The following A1CF variants were observed in gnomAD, a reference collection of about 807,000 sequenced individuals.
A1CF encodes APOBEC1 complementation factor, also known as APOBEC-1 stimulating protein.
In A1CF, 48 loss-of-function variants were observed where a neutral mutation model predicts 68.9. The observed-to-expected ratio is 0.70, with a 90% confidence interval of 0.55 to 0.89. The LOEUF is 0.89. Among genes scored for constraint, A1CF ranks in the 40% least tolerant of loss-of-function variants. The pLI, the probability that A1CF is intolerant of heterozygous loss-of-function variation, is 0.00. For missense variants in A1CF, 653 were observed against 718.9 expected (o/e 0.91, Z 1.05); for synonymous variants, 272 against 260.4 (o/e 1.04, Z -0.43).
intron 6 of A1CF, among the ~76,000 whole-genome samples, chr10:50,833,607 T>C (rs866277309): frequency 6.6e-6 from 1 of 152,230 alleles, no homozygotes; most frequent in Non-Finnish European, 1.5e-5. Context: ...GAAAAGTTTC[T>C]TGTTGTCTTC....
chr10:50,856,972 C>T (rs1296330661), intron 3 of A1CF, among the ~76,000 whole-genome samples: 1 of 151,912 alleles, frequency 6.6e-6, no homozygotes, highest in Non-Finnish European at 1.5e-5. Flanking sequence ...AACATTTGAC[C>T]TTACAATGGA....
chr10:50,850,917 T>C, intron 3 of A1CF: 7 of 1,289,248 alleles, frequency 5.4e-6, no homozygotes, highest in Admixed American at 2.7e-5. Flanking sequence ...CTTTTTTGTT[T>C]ACTTACAATT....
At chr10:50,871,993 A>G (rs1049156104) in intron 1 of A1CF, among the ~76,000 whole-genome samples, 1 of 152,102 alleles carries the variant, frequency 6.6e-6, no homozygotes, top group Non-Finnish European at 1.5e-5. Flanking sequence ...GAAGAGAATA[A>G]TTGTTATTTA....
At chr10:50,848,654 G>T (rs1840103354) in intron 3 of A1CF, among the ~76,000 whole-genome samples, 1 of 152,020 alleles carries the variant, frequency 6.6e-6, no homozygotes, top group Non-Finnish European at 1.5e-5. Flanking sequence ...TCGTCTTTGT[G>T]GTTCTCTTTG....
chr10:50,854,269 T>A (rs1025853957), intron 3 of A1CF, among the ~76,000 whole-genome samples: 10 of 152,180 alleles, frequency 6.6e-5, no homozygotes, highest in African/African-American at 1.4e-4. Flanking sequence ...AATAATTTTT[T>A]AAAATATTCT....
intron 1 of A1CF, among the ~76,000 whole-genome samples, chr10:50,870,445 T>G (rs1195322891): frequency 6.6e-6 from 1 of 151,772 alleles, no homozygotes; most frequent in African/African-American, 2.4e-5. Flanking sequence ...GAAAATAAAT[T>G]TTCAAAACAA....
intron 9 of A1CF, among the ~76,000 whole-genome samples, chr10:50,815,521 T>A (rs189913992): frequency 3.9e-5 from 6 of 152,292 alleles, no homozygotes; most frequent in Admixed American, 3.3e-4. Context: ...GTCTGTTAGA[T>A]TATATTTATA....
In A1CF at chr10:50,833,451, C is replaced by T. The variant is rs148414060; in HGVS notation, c.604+2623G>A. Among the ~76,000 whole-genome samples, 5 of 152,246 alleles carry T rather than the reference C, an allele frequency of 3.3e-5. No homozygotes were observed. The East Asian group carries it at 9.7e-4, about 29-fold the overall frequency. ...CTAGTTTCTGAGTGGGATGCAGCAA[C>T]TTTGTTCTGTAAAGAGCTCAATAAA... On this transcript the variant is annotated intron_variant, in intron 6 of 12. Transcript: ENST00000373997.
intron 1 of A1CF, among the ~76,000 whole-genome samples, chr10:50,867,321 G>C (rs541633574): frequency 6.6e-6 from 1 of 151,860 alleles, no homozygotes; most frequent in East Asian, 1.9e-4. Flanking sequence ...TATTATATAT[G>C]TATAGTAGAA....
chr10:50,842,646 T>C (rs1839834104), intron 4 of A1CF, among the ~76,000 whole-genome samples: 1 of 152,204 alleles, frequency 6.6e-6, no homozygotes, highest in Admixed American at 6.5e-5. Context: ...TATGTCCATT[T>C]CCTCTAAATT....
At chr10:50,810,739 C>G (rs111821948) in intron 11 of A1CF, among the ~76,000 whole-genome samples, 3 of 152,100 alleles carry the variant, frequency 2.0e-5, no homozygotes, top group African/African-American at 7.2e-5. Flanking sequence ...CTCAAACTCC[C>G]GACCTCAAGT....
At chr10:50,823,390 A>C (rs1838766861) in intron 7 of A1CF, 1 of 152,186 alleles carries the variant, frequency 6.6e-6, no homozygotes, top group Non-Finnish European at 1.5e-5. Flanking sequence ...CCATTAGCAA[A>C]GAAGAAAAAG....
intron 6 of A1CF, among the ~76,000 whole-genome samples, chr10:50,835,210 T>C (rs1319378761): frequency 6.6e-6 from 1 of 152,100 alleles, no homozygotes; most frequent in Non-Finnish European, 1.5e-5. Flanking sequence ...AGAAACTGTC[T>C]CCTAGTTTTG....
chr10:50,820,205 A>G (rs1056214885), intron 8 of A1CF, among the ~76,000 whole-genome samples: 9 of 152,232 alleles, frequency 5.9e-5, no homozygotes, highest in African/African-American at 2.2e-4. Context: ...AGCTTCTAAA[A>G]TACTGCACTA....
rs779874663 is a variant in A1CF at position 50,813,985 on chromosome 10, G to T, written c.1195C>A (p.Leu399Met). The T allele has an allele frequency of 1.2e-6, 2 of 1,613,816 alleles. No individual in the cohort carries two copies. The highest frequency in any genetic ancestry group is 1.3e-5 in the African/African-American group (1 of 75,014). The change falls in exon 10 of 13, where the codon CTG (leucine) becomes ATG (methionine). Residue 399 changes from leucine to methionine, a missense_variant. Coordinates refer to ENST00000373997, the MANE Select transcript of A1CF (RefSeq NM_014576.4). ...GGRGYLAYTG[L>M]GRGYQVKGDK... Reference sequence around the variant, plus strand: ...CCTTTGACCTGGTATCCTCGACCCAGGCCTGTGTATGCCAAATAGCCACGG... The same window carrying T: ...CCTTTGACCTGGTATCCTCGACCCATGCCTGTGTATGCCAAATAGCCACGG...
chr10:50,860,087 T>A, intron 2 of A1CF, 102 bp from the exon 3 acceptor site: 1 of 632,860 alleles, frequency 1.6e-6, no homozygotes, highest in East Asian at 2.8e-5. Context: ...TGTAAATGCG[T>A]CATTAAAGTT....
chr10:50,870,674 A>G (rs908282530), intron 1 of A1CF, among the ~76,000 whole-genome samples: 1 of 151,844 alleles, frequency 6.6e-6, no homozygotes, highest in Non-Finnish European at 1.5e-5. Flanking sequence ...AGATGGTTTT[A>G]TTAGGCAAGT....
At position 50,810,145 on chromosome 10, in the gene A1CF, A is replaced by G. The variant is rs1009079633; in HGVS notation, c.1461-103T>C. 6.0e-6 allele frequency: 8 copies of G among 1,322,890 alleles called. No individual in the cohort carries two copies. In the Admixed American group the frequency reaches 1.6e-4, roughly 26 times the overall value. The allele number at this position is 1,322,890 out of a possible 1,614,324, so 81.9% of individuals were successfully genotyped here. ...CTTTGTAAGATGACTGGATGGTGGT[A>G]TTTTGAGTGGGTGTTTTTCATTCTG... On this transcript the variant is annotated intron_variant, in intron 11 of 12. Transcript: ENST00000373997.
intron 10 of A1CF, among the ~76,000 whole-genome samples, chr10:50,812,932 T>A (rs888581480): frequency 6.6e-6 from 1 of 152,182 alleles, no homozygotes; most frequent in African/African-American, 2.4e-5. Context: ...AATTTGTGCA[T>A]AAAAGAAAGC....
Sources: allele counts gnomAD v4.1 joint callset (sites outside exome capture counted in the v4.1 genomes callset), GRCh38; gene constraint gnomAD v4.1.1; transcripts MANE v1.5; gene names NCBI Gene and HGNC (gene_info 2026-07-23, HGNC 2026-07-21).